SPIDR: variants seen among roughly 807,000 people sequenced by gnomAD.
SPIDR encodes DNA repair-scaffolding protein.
Under a neutral mutation model 104.6 loss-of-function variants are expected in SPIDR, and 93 were observed. The ratio of observed to expected loss-of-function variants is 0.89; its 90% CI spans 0.75 to 1.06. The LOEUF is 1.06. SPIDR is among the 50% of genes least tolerant of loss of function. The pLI, the probability that SPIDR is intolerant of heterozygous loss-of-function variation, is 0.00. For missense variants in SPIDR, 1,154 were observed against 1,111.2 expected (o/e 1.04, Z -0.55); for synonymous variants, 431 against 416.9 (o/e 1.03, Z -0.41).
At chr8:47,479,356 CAAAA>C (rs1186481801) in intron 8 of SPIDR, among the ~76,000 whole-genome samples, 1 of 92,096 alleles carries the variant, frequency 1.1e-5, no homozygotes, top group East Asian at 2.9e-4. Flanking sequence ...GAGACTCTCT[CAAAA>C]AAAAAAAAAA....
chr8:47,464,558 G>GAC (rs1382758039), intron 8 of SPIDR, among the ~76,000 whole-genome samples: 1 of 152,126 alleles, frequency 6.6e-6, no homozygotes, highest in Admixed American at 6.6e-5. Flanking sequence ...AGCCCCTGGT[G>GAC]ACTCTGGGGG....
chr8:47,496,813 T>A (rs1004485812), intron 8 of SPIDR, among the ~76,000 whole-genome samples: 2 of 134,174 alleles, frequency 1.5e-5, no homozygotes, highest in Non-Finnish European at 1.5e-5. Flanking sequence ...TGGGCCTATG[T>A]TTGTTTGTTT....
At chr8:47,397,859 CAG>C (rs2061417154) in intron 6 of SPIDR, among the ~76,000 whole-genome samples, 1 of 152,236 alleles carries the variant, frequency 6.6e-6, no homozygotes, top group South Asian at 2.1e-4. Context: ...ATAGGAGAGA[CAG>C]ATTTTGAAAA....
chr8:47,271,938 T>G (rs2035412764), intron 1 of SPIDR, among the ~76,000 whole-genome samples: 1 of 152,064 alleles, frequency 6.6e-6, no homozygotes, highest in African/African-American at 2.4e-5. Flanking sequence ...GTAGCTGGGA[T>G]TACAAGCAGG....
intron 8 of SPIDR, among the ~76,000 whole-genome samples, chr8:47,557,076 C>A (rs2091413840): frequency 6.6e-6 from 1 of 152,108 alleles, no homozygotes; most frequent in Non-Finnish European, 1.5e-5. Context: ...AGCTGCATTC[C>A]CAGGCCAGCC....
chr8:47,735,257 A>G (rs928691204), intron 19 of SPIDR, 50 bp from the exon 20 acceptor site: 5 of 1,580,980 alleles, frequency 3.2e-6, no homozygotes, highest in Non-Finnish European at 4.3e-6. Context: ...TGTTGGGAAC[A>G]GTACGTCCCA....
At chr8:47,561,232 A>T (rs1386942452) in intron 8 of SPIDR, among the ~76,000 whole-genome samples, 1 of 152,216 alleles carries the variant, frequency 6.6e-6, no homozygotes, top group African/African-American at 2.4e-5. Context: ...ATGAAGTATC[A>T]TGTCTGTGTG....
intron 11 of SPIDR, among the ~76,000 whole-genome samples, chr8:47,677,320 G>T (rs937390708): frequency 6.6e-6 from 1 of 152,142 alleles, no homozygotes; most frequent in Admixed American, 6.5e-5. Context: ...ATTTGTATTT[G>T]CCAGGGCAAT....
chr8:47,481,466 G>A (rs1412695712), intron 8 of SPIDR, among the ~76,000 whole-genome samples: 5 of 152,082 alleles, frequency 3.3e-5, no homozygotes, highest in South Asian at 2.1e-4. Context: ...GAGAAACTCC[G>A]TCTCTACTAA....
chr8:47,706,696 T>A (rs1212340905), intron 14 of SPIDR, among the ~76,000 whole-genome samples: 1 of 152,216 alleles, frequency 6.6e-6, no homozygotes, highest in Non-Finnish European at 1.5e-5. Context: ...GGTTGTTACA[T>A]GAATAGAACC....
At chr8:47,344,741 G>A (rs1430860753) in intron 5 of SPIDR, among the ~76,000 whole-genome samples, 3 of 152,154 alleles carry the variant, frequency 2.0e-5, no homozygotes, top group African/African-American at 7.2e-5. Context: ...ATTTTTTCAT[G>A]TGTCTGTTGC....
chr8:47,632,287 TGA>T (rs2067186244), intron 10 of SPIDR, among the ~76,000 whole-genome samples: 1 of 152,194 alleles, frequency 6.6e-6, no homozygotes, highest in Non-Finnish European at 1.5e-5. Context: ...CTCTGAAATT[TGA>T]GAGTTAACAC....
intron 6 of SPIDR, among the ~76,000 whole-genome samples, chr8:47,404,648 G>A (rs1554666135): frequency 6.6e-6 from 1 of 152,140 alleles, no homozygotes; most frequent in East Asian, 1.9e-4. Context: ...AAACCACAAT[G>A]AGATACCATG....
At chr8:47,711,527 T>C (rs923985348) in intron 14 of SPIDR, among the ~76,000 whole-genome samples, 5 of 152,002 alleles carry the variant, frequency 3.3e-5, no homozygotes, top group Non-Finnish European at 5.9e-5. Flanking sequence ...TGTGGCTGGT[T>C]AAGAATGTTA....
chr8:47,300,831 G>C (rs1554576799), intron 5 of SPIDR, among the ~76,000 whole-genome samples: 4,448 of 152,232 alleles, frequency 0.029, 229 homozygotes, highest in African/African-American at 0.099. Flanking sequence ...TATAATTTCT[G>C]TTCTTTTACA....
intron 19 of SPIDR, among the ~76,000 whole-genome samples, chr8:47,734,668 C>G (rs1469182730): frequency 6.6e-6 from 1 of 152,188 alleles, no homozygotes; most frequent in African/African-American, 2.4e-5. Flanking sequence ...CTACCCGCAA[C>G]AGCATTCTGC....
rs141006423 is a variant in SPIDR, at chr8:47,537,592, A to G, written c.1098-58219A>G. On this transcript the variant is annotated intron_variant, in intron 8 of 19. Coordinates refer to ENST00000297423, the MANE Select transcript of SPIDR (RefSeq NM_001080394.4). ...TAGGTGGTGGACAGGGTATGTTTAG[A>G]GCAGTGAAACTTCTGTATGATACTG... Among the ~76,000 whole-genome samples the G allele has an allele frequency of 5.7e-3, 867 of 152,312 alleles. 12 individuals are homozygous for G. Among genetic ancestry groups the G allele is most frequent in the African/African-American group, 0.02 (828 of 41,562 alleles).
At chr8:47,720,129 T>G (rs1231377684) in intron 16 of SPIDR, among the ~76,000 whole-genome samples, 1 of 152,258 alleles carries the variant, frequency 6.6e-6, no homozygotes, top group African/African-American at 2.4e-5. Context: ...CTTTTCAGAT[T>G]AGCTTATTTC....
chr8:47,700,241 ATCTG>A (rs1370872839), intron 11 of SPIDR, among the ~76,000 whole-genome samples, 158 bp from the exon 12 acceptor site: 1 of 152,124 alleles, frequency 6.6e-6, no homozygotes, highest in Non-Finnish European at 1.5e-5. Context: ...GTGTCTGTCC[ATCTG>A]TCTGTGTGCC....
Sources: allele counts gnomAD v4.1 joint callset (sites outside exome capture counted in the v4.1 genomes callset), GRCh38; gene constraint gnomAD v4.1.1; transcripts MANE v1.5; gene names NCBI Gene and HGNC (gene_info 2026-07-23, HGNC 2026-07-21).